Variants in SH3GLB2 observed in about 807,000 individuals in gnomAD.
The protein encoded by SH3GLB2 is endophilin-B2.
Under a neutral mutation model 48.0 loss-of-function variants are expected in SH3GLB2, and 24 were observed. That is an observed-to-expected ratio of 0.50 (90% CI 0.36 to 0.70). SH3GLB2 has a LOEUF of 0.70. Among genes scored for constraint, SH3GLB2 ranks in the 30% least tolerant of loss-of-function variants. The pLI, the probability that SH3GLB2 is intolerant of heterozygous loss-of-function variation, is 0.00. For synonymous variants in SH3GLB2, 227 were observed against 207.6 expected, an observed-to-expected ratio of 1.09 and a Z score of -0.80; for missense variants, 425 against 516.0, an observed-to-expected ratio of 0.82 and a Z score of 1.71.
intron 3 of SH3GLB2, among the ~76,000 whole-genome samples, chr9:129,019,926 G>A: frequency 6.6e-6 from 1 of 151,514 alleles, no homozygotes; most frequent in Non-Finnish European, 1.5e-5. Context: ...GGTTCCAGCC[G>A]GGTGCGGTGG....
intron 2 of SH3GLB2, 37 bp downstream of exon 2, chr9:129,022,245 A>C: frequency 6.2e-7 from 1 of 1,607,560 alleles, no homozygotes; most frequent in African/African-American, 1.3e-5. Context: ...CTGCCCCACG[A>C]CTACATCCCT....
chr9:129,027,967 G>C (rs2131315117), intron 1 of SH3GLB2, 125 bp downstream of exon 1: 1 of 886,288 alleles, frequency 1.1e-6, no homozygotes, highest in East Asian at 3.6e-5. Flanking sequence ...GCAGAGGTGT[G>C]CCGCGGCGGG....
intron 1 of SH3GLB2, among the ~76,000 whole-genome samples, chr9:129,024,635 C>A (rs1008470889): frequency 1.3e-5 from 2 of 151,514 alleles, no homozygotes; most frequent in African/African-American, 4.9e-5. Context: ...AGGTGGGAGC[C>A]CAGGAGGCGG....
chr9:129,013,131 C>T lies in SH3GLB2; in HGVS notation c.562-833G>A, dbSNP rs181675286. 33 of 1,259,472 alleles carry T rather than the reference C, an allele frequency of 2.6e-5. 1 individual carries two copies. The East Asian group carries it at 3.3e-4, about 13-fold the overall frequency. The allele number at this position is 1,259,472 out of a possible 1,614,324, so 78.0% of individuals were successfully genotyped here. On this transcript the variant is annotated intron_variant, in intron 5 of 10. Transcript: ENST00000372564. ...GGCCCCAGTGGGAGGGGACACCAGG[C>T]GGTCGGGCGGAGGGAGGCACCACAG...
chr9:129,012,199 G>A, intron 6 of SH3GLB2, 37 bp downstream of exon 6: 1 of 1,174,726 alleles, frequency 8.5e-7, no homozygotes, highest in Non-Finnish European at 1.1e-6. Context: ...GGGGAGAGAG[G>A]AGGACGAGGG....
Position 129,014,742 on chromosome 9 carries a change from A to C in SH3GLB2, c.468+29T>G. 1 of 1,602,472 alleles carries C rather than the reference A, an allele frequency of 6.2e-7. No homozygotes were observed. The highest frequency in any genetic ancestry group is 8.5e-7 in the Non-Finnish European group (1 of 1,175,058). On this transcript the variant is annotated intron_variant, in intron 4 of 10. Coordinates refer to ENST00000372564, the MANE Select transcript of SH3GLB2 (RefSeq NM_020145.4). The surrounding 1 kb of genome is among the most constrained non-coding windows in gnomAD (Gnocchi z 4.1). ...TGAGGAGGGAACTGCCATGGTTACC[A>C]GGAAGCGGAATAGTCCCAGGGCCCT...
In SH3GLB2 at chr9:129,009,339, C is replaced by T. The variant is rs374274725; in HGVS notation, c.847G>A (p.Gly283Ser). 241 of 1,547,154 alleles carry T rather than the reference C, an allele frequency of 1.6e-4. No homozygotes were observed. The highest frequency in any genetic ancestry group is 2.0e-4 in the Non-Finnish European group (224 of 1,144,130). ...GGCTCTGTGGTGCCCACGAAGGTGCCGGGAAATCTGGAGAGGAGGGATACA... is the reference window on the plus strand; with the variant it reads ...GGCTCTGTGGTGCCCACGAAGGTGCTGGGAAATCTGGAGAGGAGGGATACA... ...DLQKQLGRFP[G>S]TFVGTTEPAS... The change falls in exon 10 of 11, where the codon GGC (glycine) becomes AGC (serine). Residue 283 changes from glycine to serine, a missense_variant. Coordinates refer to ENST00000372564, the MANE Select transcript of SH3GLB2 (RefSeq NM_020145.4).
chr9:129,019,362 T>C (rs1399340271), intron 3 of SH3GLB2, among the ~76,000 whole-genome samples: 1 of 151,816 alleles, frequency 6.6e-6, no homozygotes, highest in African/African-American at 2.4e-5. Flanking sequence ...CAATCCAGCC[T>C]GGGGGACAGA....
rs192230769 is a variant in SH3GLB2, at chr9:129,024,284, C to T, written c.64-1861G>A. Among the ~76,000 whole-genome samples the T allele has an allele frequency of 2.3e-3, 337 of 149,276 alleles. 7 individuals carry two copies. In the East Asian group the frequency reaches 0.036, roughly 16 times the overall value. On this transcript the variant is annotated intron_variant, in intron 1 of 10. Transcript: ENST00000372564. ...AAAAAAAAAAAAAAAAAAAAAAGCC[C>T]GGCACGGTGGCTTATGCCTATAATC... is the stretch of plus-strand genomic sequence containing the variant.
intron 2 of SH3GLB2, 119 bp from the exon 3 acceptor site, chr9:129,021,338 TACGC>T: frequency 1.6e-6 from 2 of 1,288,802 alleles, no homozygotes; most frequent in South Asian, 3.1e-5. Context: ...ACTTCCAGAA[TACGC>T]TCTTGCTCAT....
chr9:129,010,667 T>G lies in SH3GLB2; in HGVS notation c.648+3A>C. ...GAGCCCAGCCCCCCAGGCCCCAACT[T>G]ACCTTGTCCACTTCATCATTCCAGA... On this transcript the variant is annotated splice_donor_region_variant and intron_variant, in intron 7 of 10. Coordinates refer to ENST00000372564, the MANE Select transcript of SH3GLB2 (RefSeq NM_020145.4). 6.2e-7 allele frequency: 1 copy of G among 1,613,800 alleles called. No individual in the cohort carries two copies. The highest frequency in any genetic ancestry group is 8.5e-7 in the Non-Finnish European group (1 of 1,179,878).
chr9:129,020,155 G>C (rs142163712), intron 3 of SH3GLB2, among the ~76,000 whole-genome samples: 3 of 127,812 alleles, frequency 2.3e-5, no homozygotes, highest in Non-Finnish European at 4.7e-5. Context: ...GCAGTGAGCT[G>C]AGATTGCGCC....
chr9:129,010,567 G>T lies in SH3GLB2; in HGVS notation c.648+103C>A, dbSNP rs530708327. ...GAAAGCAGTAACCCCTCCCCAGTGG[G>T]TGTGGGGCAGAGTGAGAAACAGATC... On this transcript the variant is annotated intron_variant, in intron 7 of 10. Coordinates refer to ENST00000372564, the MANE Select transcript of SH3GLB2 (RefSeq NM_020145.4). 46 of 1,341,818 alleles carry T rather than the reference G, an allele frequency of 3.4e-5. No homozygotes were observed. In the Admixed American group the frequency reaches 6.1e-4, roughly 18 times the overall value. 83.1% of individuals were successfully genotyped at this position (1,341,818 alleles called of 1,614,324 possible).
chr9:129,018,383 C>A (rs966363206), intron 3 of SH3GLB2, among the ~76,000 whole-genome samples: 1 of 151,678 alleles, frequency 6.6e-6, no homozygotes, highest in Non-Finnish European at 1.5e-5. Flanking sequence ...CAAGACCAGC[C>A]TGGCCAACAT....
Position 129,028,256 on chromosome 9 carries a change from A to G in SH3GLB2, c.-102T>C. ...CCCCGCCCACCTGCTGCGGGGCACC[A>G]GCCCTCCGCGCACCCGCCTGCCGGC... is the stretch of plus-strand genomic sequence containing the variant. On this transcript the variant is annotated 5_prime_UTR_variant, in exon 1 of 11. Coordinates refer to ENST00000372564, the MANE Select transcript of SH3GLB2 (RefSeq NM_020145.4). The G allele has an allele frequency of 1.4e-6, 1 of 739,724 alleles. No individual in the cohort carries two copies. Among genetic ancestry groups the G allele is most frequent in the Non-Finnish European group, 1.7e-6 (1 of 603,186 alleles). 45.8% of individuals were successfully genotyped at this position (739,724 alleles called of 1,614,324 possible).
At chr9:129,024,211 C>A (rs1349764020) in intron 1 of SH3GLB2, among the ~76,000 whole-genome samples, 1 of 139,884 alleles carries the variant, frequency 7.1e-6, no homozygotes, top group Non-Finnish European at 1.5e-5. Context: ...GGATTGAGCC[C>A]AGGAGTTCAA....
Position 129,008,875 on chromosome 9 carries a change from C to T in SH3GLB2, c.1081-84G>A, listed in dbSNP as rs79684606. On this transcript the variant is annotated intron_variant, in intron 10 of 10. Transcript: ENST00000372564. ...GACTAAGTGGGGACAGAGCTGCCAC[C>T]TCCCCATGGCCCGTGGCATGTGCTA... The T allele has an allele frequency of 1.5e-6, 2 of 1,369,142 alleles. 1 individual carries two copies. The highest frequency in any genetic ancestry group is 2.4e-5 in the South Asian group (2 of 83,374). 84.8% of individuals were successfully genotyped at this position (1,369,142 alleles called of 1,614,324 possible).
At chr9:129,022,541 G>A in intron 1 of SH3GLB2, 118 bp from the exon 2 acceptor site, 3 of 887,220 alleles carry the variant, frequency 3.4e-6, no homozygotes, top group East Asian at 2.6e-5. Context: ...CAGGCCCCAG[G>A]GTCAAGGAAC....
intron 6 of SH3GLB2, chr9:129,010,985 G>T: frequency 2.1e-6 from 1 of 483,360 alleles, no homozygotes; most frequent in Non-Finnish European, 3.7e-6. Flanking sequence ...CAAGAGAGAC[G>T]GAGTGTCCCC....
Sources: gnomAD v4.1 joint callset for allele counts (sites outside exome capture counted in the v4.1 genomes callset) on GRCh38, gnomAD v4.1.1 for gene constraint, Gnocchi (gnomAD v3.1) non-coding constraint, MANE v1.5 for transcripts, NCBI Gene and HGNC (gene_info 2026-07-23, HGNC 2026-07-21) for gene names.